MAP3K9: variants seen among roughly 807,000 people sequenced by gnomAD.
MAP3K9 encodes the protein mitogen-activated protein kinase kinase kinase 9, also known as mixed lineage kinase 1 (tyr and ser/thr specificity).
In MAP3K9, 46 loss-of-function variants were observed where a neutral mutation model predicts 95.8. That is an observed-to-expected ratio of 0.48 (90% CI 0.38 to 0.61). MAP3K9 has a LOEUF of 0.61. Ranked by LOEUF, MAP3K9 falls within the 20% of genes least tolerant of loss-of-function variation. The pLI, the probability that MAP3K9 is intolerant of heterozygous loss-of-function variation, is 0.00. For missense variants in MAP3K9, 1,296 were observed against 1,474.3 expected (o/e 0.88, Z 1.98); for synonymous variants, 533 against 593.8 (o/e 0.90, Z 1.49).
At chr14:70,733,719 TA>T (rs778543493) in intron 10 of MAP3K9, 1 of 718,246 alleles carries the variant, frequency 1.4e-6, no homozygotes, top group South Asian at 1.5e-5. Flanking sequence ...CAGGGGAGAC[TA>T]AGATGGGAGT....
chr14:70,777,112 T>C (rs2054609990), intron 2 of MAP3K9, among the ~76,000 whole-genome samples: 1 of 151,806 alleles, frequency 6.6e-6, no homozygotes. Context: ...ATTACAGGCG[T>C]GAGCCACCAC....
At chr14:70,731,202 T>C (rs1231940581) in intron 11 of MAP3K9, among the ~76,000 whole-genome samples, 1 of 151,922 alleles carries the variant, frequency 6.6e-6, no homozygotes, top group Non-Finnish European at 1.5e-5. Flanking sequence ...TCCCAGCACT[T>C]TGGGAGGCCA....
At chr14:70,745,122 G>A (rs993357308) in intron 5 of MAP3K9, among the ~76,000 whole-genome samples, 41 of 152,154 alleles carry the variant, frequency 2.7e-4, no homozygotes, top group Admixed American at 1.9e-3. Flanking sequence ...AGTGGGGTGT[G>A]GGGTGGAACC....
At chr14:70,740,869 A>G (rs2054060576) in intron 6 of MAP3K9, among the ~76,000 whole-genome samples, 1 of 152,248 alleles carries the variant, frequency 6.6e-6, no homozygotes, top group African/African-American at 2.4e-5. Context: ...CTGACATGCA[A>G]CAATATGCTG....
chr14:70,809,474 G>A lies in MAP3K9; in HGVS notation c.-303C>T. 1 of 210,394 alleles carries A rather than the reference G, an allele frequency of 4.8e-6. No individual in the cohort carries two copies. The highest frequency in any genetic ancestry group is 9.4e-6 in the Non-Finnish European group (1 of 106,418). The allele number at this position is 210,394 out of a possible 1,614,324, so 13.0% of individuals were successfully genotyped here. A position where few individuals can be genotyped will look rare whatever the true frequency, so the allele number is the denominator to read the frequency against. ...CCGCCGGTACCTGCTCGCGCAGCCG[G>A]TGCCCGCCGCTGCCAGCCGGCCGCC... On this transcript the variant is annotated 5_prime_UTR_variant, in exon 1 of 12. Transcript: ENST00000554752.
At chr14:70,749,158 G>C (rs1227885105) in intron 4 of MAP3K9, among the ~76,000 whole-genome samples, 154 bp from the exon 5 acceptor site, 2 of 152,164 alleles carry the variant, frequency 1.3e-5, no homozygotes, top group East Asian at 3.8e-4. Context: ...TAAGGCTCAG[G>C]AAGTAAAGCA....
intron 3 of MAP3K9, among the ~76,000 whole-genome samples, chr14:70,751,698 G>C (rs1041646295): frequency 6.6e-6 from 1 of 152,136 alleles, no homozygotes; most frequent in Non-Finnish European, 1.5e-5. Flanking sequence ...TAGCCTGGGT[G>C]ACAGAGCAAG....
intron 8 of MAP3K9, 90 bp downstream of exon 8, chr14:70,738,155 C>T (rs1013248133): frequency 3.6e-5 from 48 of 1,342,172 alleles, no homozygotes; most frequent in Non-Finnish European, 4.7e-5. Context: ...ATCAAACACA[C>T]GACAGAGAAA....
At chr14:70,793,019 C>A (rs755458007) in intron 2 of MAP3K9, among the ~76,000 whole-genome samples, 2 of 152,226 alleles carry the variant, frequency 1.3e-5, no homozygotes, top group African/African-American at 2.4e-5. Flanking sequence ...CCAGTTCCAA[C>A]AGGAGCAGCC....
chr14:70,779,672 C>T (rs182114289), intron 2 of MAP3K9, among the ~76,000 whole-genome samples: 1 of 152,350 alleles, frequency 6.6e-6, no homozygotes, highest in East Asian at 1.9e-4. Context: ...TCTGCAGCCA[C>T]AAACACCTAG....
At chr14:70,739,970 G>A (rs753547730) in intron 7 of MAP3K9, 72 bp downstream of exon 7, 26 of 1,614,016 alleles carry the variant, frequency 1.6e-5, no homozygotes, top group African/African-American at 2.7e-5. Context: ...TGGACCAGTC[G>A]GTGGCTGGAC....
chr14:70,770,293 G>A (rs1209655800), intron 2 of MAP3K9, among the ~76,000 whole-genome samples: 2 of 152,142 alleles, frequency 1.3e-5, no homozygotes, highest in Non-Finnish European at 2.9e-5. Context: ...CGATTCTCCT[G>A]CCTCGGCCTC....
chr14:70,794,990 CTTTTTTT>C (rs572010694), intron 2 of MAP3K9, among the ~76,000 whole-genome samples: 14 of 76,818 alleles, frequency 1.8e-4, no homozygotes, highest in South Asian at 1.6e-3. Flanking sequence ...TTTTCTTTTC[CTTTTTTT>C]TTTTTTTTTT....
At chr14:70,774,903 G>A (rs2054575609) in intron 2 of MAP3K9, among the ~76,000 whole-genome samples, 1 of 127,978 alleles carries the variant, frequency 7.8e-6, no homozygotes, top group Non-Finnish European at 1.6e-5. Flanking sequence ...AGAATCACTT[G>A]AATCTGGGAG....
At chr14:70,765,735 TAAAAAAAAAAAAAAACAAAAAAAAAC>T (rs757346981) in intron 2 of MAP3K9, among the ~76,000 whole-genome samples, 9 of 122,336 alleles carry the variant, frequency 7.4e-5, no homozygotes, top group South Asian at 2.8e-4. Flanking sequence ...CAACAACAGC[TAAAAAAAAAAAAAAACAAAAAAAAAC>T]AAAAAAAAAA....
chr14:70,780,653 C>T (rs182265323), intron 2 of MAP3K9, among the ~76,000 whole-genome samples: 55 of 152,292 alleles, frequency 3.6e-4, no homozygotes, highest in African/African-American at 1.2e-3. Context: ...CTCACCTCAT[C>T]CAGGCGCAGA....
chr14:70,776,364 T>C (rs962726900), intron 2 of MAP3K9, among the ~76,000 whole-genome samples: 7 of 152,264 alleles, frequency 4.6e-5, no homozygotes, highest in African/African-American at 1.7e-4. Context: ...AGCTTGTGGC[T>C]TGCGGGGAGG....
At chr14:70,782,155 T>C (rs1444002443) in intron 2 of MAP3K9, among the ~76,000 whole-genome samples, 2 of 152,150 alleles carry the variant, frequency 1.3e-5, no homozygotes, top group Non-Finnish European at 2.9e-5. Context: ...TGCCCCCTAC[T>C]ACATCACACT....
chr14:70,778,129 G>A (rs1048769852), intron 2 of MAP3K9, among the ~76,000 whole-genome samples: 13 of 152,030 alleles, frequency 8.6e-5, no homozygotes, highest in African/African-American at 3.1e-4. Context: ...TTGAGACAAG[G>A]TATCACTCTG....
Sources: allele counts gnomAD v4.1 joint callset (sites outside exome capture counted in the v4.1 genomes callset), GRCh38; gene constraint gnomAD v4.1.1; transcripts MANE v1.5; gene names NCBI Gene and HGNC (gene_info 2026-07-23, HGNC 2026-07-21).